The following DDHD1 variants were observed in gnomAD, a reference collection of about 807,000 sequenced individuals.
The protein encoded by DDHD1 is DDHD domain containing 1, also known as phospholipase DDHD1.
In DDHD1, 49 loss-of-function variants were observed where a neutral mutation model predicts 96.4. The observed-to-expected ratio is 0.51, with a 90% confidence interval of 0.40 to 0.64. DDHD1 has a LOEUF of 0.64. Ranked by LOEUF, DDHD1 falls within the 30% of genes least tolerant of loss-of-function variation. The probability of loss-of-function intolerance (pLI) is 0.00; values close to 1 mark genes in which losing one functional copy is unlikely to be tolerated. For synonymous variants in DDHD1, 442 were observed against 446.5 expected, an observed-to-expected ratio of 0.99 and a Z score of 0.13; for missense variants, 1,106 against 1,161.2, an observed-to-expected ratio of 0.95 and a Z score of 0.69.
chr14:53,152,206 G>T lies in DDHD1; in HGVS notation c.838+55C>A, dbSNP rs997269330. 17 of 1,496,662 alleles carry T rather than the reference G, an allele frequency of 1.1e-5. No individual in the cohort carries two copies. In the African/African-American group the frequency reaches 2.4e-4, roughly 21 times the overall value. 92.7% of individuals were successfully genotyped at this position (1,496,662 alleles called of 1,614,324 possible). On this transcript the variant is annotated intron_variant, in intron 1 of 12. Coordinates refer to ENST00000673822, the MANE Select transcript of DDHD1 (RefSeq NM_001160148.2). ...ACCAGTCCCAAACCCACACCGGTGC[G>T]CATCGGCCCATGCAGGGGCAGCCCG...
In DDHD1 at chr14:53,063,046, G is replaced by A; in HGVS notation, c.1663C>T (p.Leu555=). Residue 555 remains leucine (L), a synonymous_variant, in exon 7 of 13, where the codon CTG becomes TTG. Transcript: ENST00000673822. Reference sequence around the variant, plus strand: ...TCCTTTTGCAGCAACTGTTCATACAGCCGAACTGGATTCCAGCCAGTCATT... The same window carrying A: ...TCCTTTTGCAGCAACTGTTCATACAACCGAACTGGATTCCAGCCAGTCATT... ...DIMTGWNPVR[L]YEQLLQKEEE... 6.2e-7 allele frequency: 1 copy of A among 1,614,000 alleles called. No individual in the cohort carries two copies. The highest frequency in any genetic ancestry group is 8.5e-7 in the Non-Finnish European group (1 of 1,179,976).
At chr14:53,143,178 G>A (rs955244579) in intron 1 of DDHD1, among the ~76,000 whole-genome samples, 1 of 152,232 alleles carries the variant, frequency 6.6e-6, no homozygotes, top group Non-Finnish European at 1.5e-5. Context: ...GCAGAGCTGG[G>A]ATTTGAGCCA....
At position 53,046,131 on chromosome 14, in the gene DDHD1, T is replaced by C. The variant is rs973621852; in HGVS notation, c.*637A>G. Reference sequence around the variant, plus strand: ...TCTGAGAAAAAAGGGTTTATCACTATAGAAAATAAATCTGGTTCTTAAATT... The same window carrying C: ...TCTGAGAAAAAAGGGTTTATCACTACAGAAAATAAATCTGGTTCTTAAATT... On this transcript the variant is annotated 3_prime_UTR_variant, in exon 13 of 13. Coordinates refer to ENST00000673822, the MANE Select transcript of DDHD1 (RefSeq NM_001160148.2). The C allele has an allele frequency of 3.9e-5, 6 of 152,312 alleles. No individual in the cohort carries two copies. In the South Asian group the frequency reaches 1.2e-3, roughly 32 times the overall value. 9.4% of individuals were successfully genotyped at this position (152,312 alleles called of 1,614,324 possible).
At chr14:53,130,143 C>G (rs995520876) in intron 1 of DDHD1, among the ~76,000 whole-genome samples, 2 of 152,200 alleles carry the variant, frequency 1.3e-5, no homozygotes, top group African/African-American at 4.8e-5. Context: ...CTTCCTTGGC[C>G]TCTGCTCCCC....
At chr14:53,130,691 C>A (rs187015765) in intron 1 of DDHD1, among the ~76,000 whole-genome samples, 129 of 152,368 alleles carry the variant, frequency 8.5e-4, no homozygotes, top group Admixed American at 2.9e-3. Flanking sequence ...AATGTGGCCA[C>A]TGGGCCAAGG....
intron 2 of DDHD1, chr14:53,103,470 G>C: frequency 2.2e-6 from 1 of 453,066 alleles, no homozygotes; most frequent in Non-Finnish European, 3.8e-6. Context: ...TTAATATCAT[G>C]ACACTTACCA....
rs1377609511 is a variant in DDHD1, at chr14:53,045,251, T to A, written c.*1517A>T. 6.6e-6 allele frequency: 1 copy of A among 152,522 alleles called. No homozygotes were observed. The highest frequency in any genetic ancestry group is 1.5e-5 in the Non-Finnish European group (1 of 68,316). 9.4% of individuals were successfully genotyped at this position (152,522 alleles called of 1,614,324 possible). On this transcript the variant is annotated 3_prime_UTR_variant, in exon 13 of 13. Coordinates refer to ENST00000673822, the MANE Select transcript of DDHD1 (RefSeq NM_001160148.2). ...TTTTTTGTTTTTTAGAGACAGGGTC[T>A]GGCTCTGTCACCCAGGCTGGAGTGC...
rs748129023 is a variant in DDHD1 at position 53,152,661 on chromosome 14, G to C, written c.438C>G (p.Thr146=). 7.8e-5 allele frequency: 126 copies of C among 1,612,900 alleles called. No homozygotes were observed. The highest frequency in any genetic ancestry group is 1.1e-4 in the Non-Finnish European group (124 of 1,179,850). Reference sequence around the variant, plus strand: ...GCCGGGCCGCCGGGCCGCCAAGCCGGGTACGTTTCCTTTCCCCGGGGGACC... The same window carrying C: ...GCCGGGCCGCCGGGCCGCCAAGCCGCGTACGTTTCCTTTCCCCGGGGGACC... The part of the protein sequence containing the change: ...TGGSPGERKR[T]RLGGPAARHR... The change falls in exon 1 of 13, where the codon ACC becomes ACG. Residue 146 remains threonine (T), a synonymous_variant. Coordinates refer to ENST00000673822, the MANE Select transcript of DDHD1 (RefSeq NM_001160148.2).
At position 53,039,492 on chromosome 14, in the gene DDHD1, G is replaced by C. The variant is rs140277412; in HGVS notation, c.*7276C>G. On this transcript the variant is annotated 3_prime_UTR_variant, in exon 13 of 13. Transcript: ENST00000673822. The stretch of plus-strand genomic sequence containing the variant: ...TACAGACAGTGCTGATTGAGCTGCT[G>C]GTGCTTACAGGGACTCACACAAAGC... The C allele has an allele frequency of 1.3e-5, 2 of 152,336 alleles. No individual in the cohort carries two copies. Among genetic ancestry groups the C allele is most frequent in the African/African-American group, 4.8e-5 (2 of 41,532 alleles). The allele number at this position is 152,336 out of a possible 1,614,324, so 9.4% of individuals were successfully genotyped here.
chr14:53,088,234 A>G lies in DDHD1; in HGVS notation c.1289+3551T>C, dbSNP rs563570418. 2.1e-4 allele frequency among the ~76,000 whole-genome samples: 32 copies of G among 152,374 alleles called. No homozygotes were observed. In the South Asian group the frequency reaches 5.6e-3, roughly 27 times the overall value. On this transcript the variant is annotated intron_variant, in intron 4 of 12. Coordinates refer to ENST00000673822, the MANE Select transcript of DDHD1 (RefSeq NM_001160148.2). ...GAGAGATTCACAGCCAAATTCTTCC[A>G]GAGGTACAAAGAGGAGCTGGTGCCA...
intron 3 of DDHD1, chr14:53,092,774 A>G (rs1886536810): frequency 6.6e-6 from 1 of 152,186 alleles, no homozygotes; most frequent in African/African-American, 2.4e-5. Flanking sequence ...GAGCCCAGGA[A>G]TTAGTTCCAG....
chr14:53,053,009 C>T, intron 11 of DDHD1: 1 of 151,428 alleles, frequency 6.6e-6, no homozygotes. Context: ...TTTATTCCCT[C>T]AGAGCCTGTA....
intron 1 of DDHD1, among the ~76,000 whole-genome samples, chr14:53,125,446 A>C (rs1057088713): frequency 1.5e-4 from 23 of 152,218 alleles, no homozygotes; most frequent in African/African-American, 5.5e-4. Flanking sequence ...ACAACCGTAA[A>C]ACAGTTGTCT....
intron 1 of DDHD1, among the ~76,000 whole-genome samples, chr14:53,126,561 T>C (rs1889453508): frequency 6.6e-6 from 1 of 152,068 alleles, no homozygotes; most frequent in African/African-American, 2.4e-5. Flanking sequence ...AGAGATGGGG[T>C]TTCATCATGT....
In DDHD1 at chr14:53,086,087, G is replaced by A. The variant is rs964437853; in HGVS notation, c.1289+5698C>T. Among the ~76,000 whole-genome samples the A allele has an allele frequency of 2.6e-5, 4 of 152,174 alleles. No homozygotes were observed. In the South Asian group the frequency reaches 8.3e-4, roughly 32 times the overall value. On this transcript the variant is annotated intron_variant, in intron 4 of 12. Transcript: ENST00000673822. ...TCAAATTCATGAAATGAAGCGAAAAGAGAAGTTAAGAGAAAAAAGAGTAAA... is the reference window on the plus strand; with the variant it reads ...TCAAATTCATGAAATGAAGCGAAAAAAGAAGTTAAGAGAAAAAAGAGTAAA...
chr14:53,055,230 G>C (rs1031316766), intron 10 of DDHD1, among the ~76,000 whole-genome samples: 1 of 152,182 alleles, frequency 6.6e-6, no homozygotes, highest in Non-Finnish European at 1.5e-5. Context: ...AAACATCCTT[G>C]TTGCCCTCAG....
At chr14:53,095,995 T>C (rs909088782) in intron 2 of DDHD1, 2 of 298,666 alleles carry the variant, frequency 6.7e-6, no homozygotes, top group Admixed American at 6.5e-5. Context: ...AAAGTAGCAG[T>C]AAACAAACTA....
At chr14:53,136,288 A>G (rs908480549) in intron 1 of DDHD1, among the ~76,000 whole-genome samples, 10 of 152,030 alleles carry the variant, frequency 6.6e-5, no homozygotes, top group African/African-American at 2.4e-4. Flanking sequence ...CTCACACAAA[A>G]CCTGTTTTGG....
At chr14:53,107,837 G>A (rs1333381103) in intron 1 of DDHD1, among the ~76,000 whole-genome samples, 1 of 152,052 alleles carries the variant, frequency 6.6e-6, no homozygotes, top group Non-Finnish European at 1.5e-5. Flanking sequence ...TTTAAACACG[G>A]GGCTTGCAAC....
Sources: gnomAD v4.1 joint callset for allele counts (sites outside exome capture counted in the v4.1 genomes callset) on GRCh38, gnomAD v4.1.1 for gene constraint, MANE v1.5 for transcripts, NCBI Gene and HGNC (gene_info 2026-07-23, HGNC 2026-07-21) for gene names.